TMED3: variants seen among roughly 807,000 people sequenced by gnomAD.
TMED3 encodes the protein transmembrane emp24 domain-containing protein 3.
TMED3 carries 9 observed loss-of-function variants against 15.0 expected under a neutral mutation model. The observed-to-expected ratio is 0.60, with a 90% CI of 0.36 to 1.04. The LOEUF is 1.04. Ranked by LOEUF, TMED3 falls within the 50% of genes least tolerant of loss-of-function variation. The pLI is 0.01. For synonymous variants in TMED3, 117 were observed against 121.4 expected (o/e 0.96, Z 0.24); for missense variants, 267 against 278.9 (o/e 0.96, Z 0.30).
At chr15:79,342,760 T>G (rs2058856103) in intron 2 of TMED3, among the ~76,000 whole-genome samples, 1 of 152,210 alleles carries the variant, frequency 6.6e-6, no homozygotes, top group South Asian at 2.1e-4. Flanking sequence ...ATTTGTTAAG[T>G]GTCTGTGTTA....
chr15:79,331,906 A>G (rs1054890212), intron 2 of TMED3, among the ~76,000 whole-genome samples: 3 of 152,124 alleles, frequency 2.0e-5, no homozygotes, highest in Admixed American at 1.3e-4. Context: ...AATAACAAAT[A>G]CTGGTGAGGA....
intron 2 of TMED3, among the ~76,000 whole-genome samples, chr15:79,391,943 T>C (rs543495754): frequency 6.6e-6 from 1 of 152,338 alleles, no homozygotes; most frequent in African/African-American, 2.4e-5. Context: ...AATGCCTTTT[T>C]CCACCCTTTC....
intron 2 of TMED3, among the ~76,000 whole-genome samples, chr15:79,399,348 C>A (rs774093161): frequency 3.3e-5 from 5 of 152,182 alleles, no homozygotes; most frequent in Non-Finnish European, 7.3e-5. Flanking sequence ...GTGCCCAGGA[C>A]TGAAGGGTTT....
At chr15:79,347,679 C>T (rs535173554) in intron 2 of TMED3, among the ~76,000 whole-genome samples, 3 of 152,262 alleles carry the variant, frequency 2.0e-5, no homozygotes, top group South Asian at 2.1e-4. Flanking sequence ...AGAACTTCAG[C>T]GTAGTCTCAG....
At chr15:79,345,293 T>A (rs2058866203) in intron 2 of TMED3, among the ~76,000 whole-genome samples, 1 of 152,150 alleles carries the variant, frequency 6.6e-6, no homozygotes, top group South Asian at 2.1e-4. Flanking sequence ...CCTGATCCTC[T>A]CCCTTCCCAC....
chr15:79,379,961 G>T (rs964835274), intron 2 of TMED3, among the ~76,000 whole-genome samples: 2 of 152,200 alleles, frequency 1.3e-5, no homozygotes, highest in Non-Finnish European at 2.9e-5. Flanking sequence ...AAATCTGAAA[G>T]ATCACAAAAG....
At chr15:79,397,655 C>G (rs753125769) in intron 2 of TMED3, among the ~76,000 whole-genome samples, 3 of 152,208 alleles carry the variant, frequency 2.0e-5, no homozygotes, top group Non-Finnish European at 4.4e-5. Context: ...CAATTTGCTT[C>G]AGCTTCTCTT....
intron 2 of TMED3, among the ~76,000 whole-genome samples, chr15:79,408,578 T>C (rs1260656059): frequency 1.3e-5 from 2 of 152,100 alleles, no homozygotes; most frequent in Non-Finnish European, 2.9e-5. Context: ...GAGGAAAGAA[T>C]TGAGCCACGG....
intron 2 of TMED3, among the ~76,000 whole-genome samples, chr15:79,393,433 A>G (rs902103965): frequency 6.6e-6 from 1 of 152,238 alleles, no homozygotes; most frequent in African/African-American, 2.4e-5. Context: ...TTGGTTTGAA[A>G]GACATTGTAG....
chr15:79,323,952 A>G (rs913964484), downstream of TMED3, among the ~76,000 whole-genome samples: 3 of 152,236 alleles, frequency 2.0e-5, no homozygotes, highest in African/African-American at 7.2e-5. Flanking sequence ...TTGATCAATT[A>G]GGTACTAATA....
At chr15:79,346,996 T>A (rs8040944) in intron 2 of TMED3, among the ~76,000 whole-genome samples, 85,968 of 152,002 alleles carry the variant, frequency 0.57, 24,601 homozygotes, top group African/African-American at 0.64. Context: ...ACTCCAAAAA[T>A]TTAAGGAGGA....
chr15:79,354,713 C>A (rs2141236854), intron 2 of TMED3, among the ~76,000 whole-genome samples: 1 of 152,262 alleles, frequency 6.6e-6, no homozygotes, highest in South Asian at 2.1e-4. Context: ...TCTTACCCCT[C>A]CCATCACATG....
chr15:79,359,098 C>T (rs141462520), intron 2 of TMED3, among the ~76,000 whole-genome samples: 32 of 152,136 alleles, frequency 2.1e-4, no homozygotes, highest in African/African-American at 4.1e-4. Context: ...ATTCTGCCCA[C>T]GGGGGAAGAC....
intron 2 of TMED3, among the ~76,000 whole-genome samples, chr15:79,410,182 A>G (rs992555569): frequency 6.6e-6 from 1 of 152,216 alleles, no homozygotes; most frequent in African/African-American, 2.4e-5. Flanking sequence ...CCATAATTCT[A>G]TATGCTTAGA....
At chr15:79,392,922 C>T (rs1428115610) in intron 2 of TMED3, among the ~76,000 whole-genome samples, 1 of 152,144 alleles carries the variant, frequency 6.6e-6, no homozygotes, top group Non-Finnish European at 1.5e-5. Context: ...AGGTTGCAGA[C>T]CTTTGGCATC....
chr15:79,394,242 G>C (rs187963121), intron 2 of TMED3, among the ~76,000 whole-genome samples: 18 of 152,212 alleles, frequency 1.2e-4, no homozygotes, highest in Non-Finnish European at 2.5e-4. Context: ...ATTCGAAAAG[G>C]CATACTTTAA....
intron 2 of TMED3, among the ~76,000 whole-genome samples, chr15:79,407,798 C>A (rs993440355): frequency 1.2e-4 from 18 of 152,126 alleles, no homozygotes; most frequent in Non-Finnish European, 1.0e-4. Flanking sequence ...TTTGCTCACG[C>A]CTGCTTTGCC....
rs539915664 is a variant in TMED3 at position 79,322,071 on chromosome 15, C to T, written c.511C>T (p.Arg171Ter). The T allele has an allele frequency of 1.6e-5, 26 of 1,614,214 alleles. No homozygotes were observed. Among genetic ancestry groups the T allele is most frequent in the Admixed American group, 6.7e-5 (4 of 60,032 alleles). ...GCTGCGGGAGGCCCAGGACCGGGCC[C>T]GAGCAGAAGACCTTAATAGCCGAGT... ...YRLREAQDRA[R>*]AEDLNSRVSY... is the part of the protein sequence containing the mutation. Residue 171 changes from arginine (R) to a stop codon, truncating the protein, a stop_gained, in exon 3 of 3, where the codon CGA (arginine) becomes TGA (stop). Transcript: ENST00000299705. LOFTEE classifies it high-confidence loss of function.
At chr15:79,385,689 C>G (rs943821571) in intron 2 of TMED3, among the ~76,000 whole-genome samples, 3 of 152,154 alleles carry the variant, frequency 2.0e-5, no homozygotes, top group African/African-American at 7.2e-5. Flanking sequence ...CAGGTAGGCT[C>G]AGATCCACAG....
Sources: gnomAD v4.1 joint callset for allele counts (sites outside exome capture counted in the v4.1 genomes callset) on GRCh38, gnomAD v4.1.1 for gene constraint, MANE v1.5 for transcripts, NCBI Gene and HGNC (gene_info 2026-07-23, HGNC 2026-07-21) for gene names.